Variants in FAM53A observed in about 807,000 individuals in gnomAD.
FAM53A encodes the protein protein FAM53A.
In FAM53A, 28 loss-of-function variants were observed where a neutral mutation model predicts 26.6. The ratio of observed to expected loss-of-function variants is 1.05; its 90% CI spans 0.78 to 1.45. The LOEUF is 1.45. Ranked by LOEUF, FAM53A falls within the 40% of genes most tolerant of loss-of-function variation. The probability of loss-of-function intolerance (pLI) is 0.00; values close to 1 mark genes in which losing one functional copy is unlikely to be tolerated. For synonymous variants in FAM53A, 290 were observed against 253.1 expected (o/e 1.15, Z -1.38); for missense variants, 650 against 575.8 (o/e 1.13, Z -1.32).
At chr4:1,664,300 A>ACTG (rs1015949067) in intron 2 of FAM53A, among the ~76,000 whole-genome samples, 2 of 152,128 alleles carry the variant, frequency 1.3e-5, no homozygotes, top group Non-Finnish European at 2.9e-5. Context: ...GCAGGAAGGG[A>ACTG]CTGGGTAAAG....
At chr4:1,600,301 A>AC in the FAM53A span, among the ~76,000 whole-genome samples, 2 of 151,460 alleles carry the variant, frequency 1.3e-5, no homozygotes, top group Non-Finnish European at 2.9e-5. Flanking sequence ...GGCTGGGTTC[A>AC]CCCCCTCACA....
At chr4:1,623,806 T>C (rs958530059) in intron 1 of FAM53A, among the ~76,000 whole-genome samples, 2 of 152,228 alleles carry the variant, frequency 1.3e-5, no homozygotes, top group Admixed American at 6.5e-5. Flanking sequence ...AAAACTTGCC[T>C]GACTTAATGG....
At chr4:1,601,819 G>A in the FAM53A span, among the ~76,000 whole-genome samples, 3 of 104,132 alleles carry the variant, frequency 2.9e-5, 1 homozygote, top group Non-Finnish European at 6.9e-5. Context: ...CAAAGTGCCC[G>A]ATGGGGACTA....
At chr4:1,681,498 C>T (rs868373838) in intron 1 of FAM53A, among the ~76,000 whole-genome samples, 1 of 151,232 alleles carries the variant, frequency 6.6e-6, no homozygotes, top group South Asian at 2.1e-4. Context: ...CTTTTGCAAC[C>T]CAACAAAGGA....
downstream of FAM53A, among the ~76,000 whole-genome samples, chr4:1,637,040 C>T (rs945583715): frequency 3.9e-5 from 6 of 152,328 alleles, no homozygotes; most frequent in South Asian, 2.1e-4. Flanking sequence ...CACCAGAGCA[C>T]GGGCAGGCTC....
At chr4:1,592,454 C>T in the FAM53A span, among the ~76,000 whole-genome samples, 1 of 152,234 alleles carries the variant, frequency 6.6e-6, no homozygotes, top group African/African-American at 2.4e-5. Flanking sequence ...TGAGCAAGGC[C>T]GAGGGGGCCA....
chr4:1,621,335 A>G (rs1577081170), intron 1 of FAM53A, among the ~76,000 whole-genome samples: 1 of 151,752 alleles, frequency 6.6e-6, no homozygotes, highest in South Asian at 2.1e-4. Flanking sequence ...CGATCTCCTG[A>G]CCTCGTGATC....
chr4:1,577,712 G>A, the FAM53A span, among the ~76,000 whole-genome samples: 2 of 152,306 alleles, frequency 1.3e-5, no homozygotes, highest in South Asian at 2.1e-4. Flanking sequence ...TATGCGCGGC[G>A]CTCTTGTTAA....
chr4:1,649,202 G>A (rs1321942214), intron 4 of FAM53A, among the ~76,000 whole-genome samples: 1 of 150,440 alleles, frequency 6.6e-6, no homozygotes, highest in African/African-American at 2.5e-5. Context: ...AAGGGGAAAG[G>A]GAAAGGGAAG....
chr4:1,624,658 G>A (rs983529464), intron 1 of FAM53A, among the ~76,000 whole-genome samples: 1 of 152,216 alleles, frequency 6.6e-6, no homozygotes, highest in Admixed American at 6.5e-5. Flanking sequence ...AGGCCAGCCC[G>A]CCTCCCCGCC....
chr4:1,639,187 C>A (rs62286249), downstream of FAM53A, among the ~76,000 whole-genome samples: 1 of 151,982 alleles, frequency 6.6e-6, no homozygotes, highest in Non-Finnish European at 1.5e-5. Context: ...GACCAGTGGC[C>A]GGTGCCCTGG....
At position 1,633,729 on chromosome 4, in the gene FAM53A, G is replaced by A. The variant is rs114462248; in HGVS notation, c.432-15618C>T. ...CGGGGAAGCAAGGGAGCCCGGGACC[G>A]AGAGGGGATCAGAGCAGCCCAGGAG... On this transcript the variant is annotated intron_variant, in intron 1 of 1. Transcript: ENST00000489029. Among the ~76,000 whole-genome samples the A allele has an allele frequency of 7.6e-3, 1,163 of 152,268 alleles. 13 individuals are homozygous for A. Among genetic ancestry groups the A allele is most frequent in the Middle Eastern group, 0.048 (14 of 294 alleles).
the FAM53A span, among the ~76,000 whole-genome samples, chr4:1,575,043 C>G: frequency 0.016 from 2,461 of 152,340 alleles, 35 homozygotes; most frequent in African/African-American, 0.031. Flanking sequence ...CCAGTCCCCA[C>G]GCAGTGAAGG....
chr4:1,646,152 G>C (rs996144493), intron 4 of FAM53A, among the ~76,000 whole-genome samples: 2 of 152,018 alleles, frequency 1.3e-5, no homozygotes, highest in Admixed American at 1.3e-4. Context: ...CCAGGTTGGA[G>C]TGCAGTGGCG....
the FAM53A span, among the ~76,000 whole-genome samples, chr4:1,602,729 C>A: frequency 5.3e-5 from 8 of 152,270 alleles, no homozygotes; most frequent in East Asian, 3.9e-4. Context: ...GTGTAAGGTA[C>A]GACAGTGGCA....
intron 4 of FAM53A, among the ~76,000 whole-genome samples, chr4:1,653,602 G>A (rs1303001122): frequency 6.6e-6 from 1 of 152,188 alleles, no homozygotes; most frequent in Non-Finnish European, 1.5e-5. Flanking sequence ...GCATTTACTG[G>A]CTTCCCCAGG....
chr4:1,617,346 T>C (rs1471534799), downstream of FAM53A, among the ~76,000 whole-genome samples: 1 of 152,156 alleles, frequency 6.6e-6, no homozygotes. Flanking sequence ...CTTTTTTAGT[T>C]GCTGTTCTAG....
the FAM53A span, among the ~76,000 whole-genome samples, chr4:1,611,024 T>C: frequency 6.6e-6 from 1 of 152,162 alleles, no homozygotes; most frequent in Non-Finnish European, 1.5e-5. Context: ...GGCTGGACCA[T>C]GTGGCTTTGA....
At chr4:1,579,758 G>T in the FAM53A span, among the ~76,000 whole-genome samples, 1 of 152,162 alleles carries the variant, frequency 6.6e-6, no homozygotes. Context: ...CCACGGGCTG[G>T]CCAGGAGTGT....
Sources: gnomAD v4.1 joint callset for allele counts (sites outside exome capture counted in the v4.1 genomes callset) on GRCh38, gnomAD v4.1.1 for gene constraint, MANE v1.5 for transcripts, NCBI Gene and HGNC (gene_info 2026-07-23, HGNC 2026-07-21) for gene names.